The following KCNQ3 variants were observed in gnomAD, a reference collection of about 807,000 sequenced individuals.
KCNQ3 encodes the protein potassium voltage-gated channel subfamily KQT member 3.
In KCNQ3, 30 loss-of-function variants were observed where a neutral mutation model predicts 92.5. The observed-to-expected ratio is 0.32, with a 90% CI of 0.24 to 0.44. The LOEUF is 0.44. Ranked by LOEUF, KCNQ3 falls within the 20% of genes least tolerant of loss-of-function variation. The pLI is 1.00. For missense variants in KCNQ3, 913 were observed against 1,140.3 expected, an observed-to-expected ratio of 0.80 and a Z score of 2.87; for synonymous variants, 450 against 468.8, an observed-to-expected ratio of 0.96 and a Z score of 0.52.
chr8:132,283,628 C>T (rs1816596509), intron 1 of KCNQ3, among the ~76,000 whole-genome samples: 1 of 152,196 alleles, frequency 6.6e-6, no homozygotes, highest in African/African-American at 2.4e-5. Context: ...ATTCCTGATC[C>T]CCCTTGTCAT....
At chr8:132,415,486 C>A (rs1820771830) in intron 1 of KCNQ3, among the ~76,000 whole-genome samples, 1 of 152,196 alleles carries the variant, frequency 6.6e-6, no homozygotes, top group Non-Finnish European at 1.5e-5. Context: ...CAGGGCCCAG[C>A]CCCCGGCTGC....
chr8:132,363,029 T>A (rs890057787), intron 1 of KCNQ3, among the ~76,000 whole-genome samples: 3 of 152,124 alleles, frequency 2.0e-5, no homozygotes, highest in Admixed American at 2.0e-4. Context: ...GGACACTGAC[T>A]GGCACCTAGT....
intron 1 of KCNQ3, among the ~76,000 whole-genome samples, chr8:132,189,888 CAAAAAAAAAA>C (rs776683880): frequency 1.6e-5 from 1 of 64,084 alleles, no homozygotes; most frequent in African/African-American, 7.9e-5. Flanking sequence ...TAAAAATGAC[CAAAAAAAAAA>C]AAAAAAAAAA....
chr8:132,169,528 T>C (rs1280748228), intron 8 of KCNQ3, among the ~76,000 whole-genome samples: 1 of 152,230 alleles, frequency 6.6e-6, no homozygotes, highest in Non-Finnish European at 1.5e-5. Context: ...TAGAGGACTC[T>C]TCCTGCTGTC....
intron 1 of KCNQ3, among the ~76,000 whole-genome samples, chr8:132,377,678 A>G (rs1329953908): frequency 6.6e-6 from 1 of 152,226 alleles, no homozygotes; most frequent in Non-Finnish European, 1.5e-5. Context: ...GGCTAAGCAC[A>G]GTGATAGGTA....
intron 8 of KCNQ3, among the ~76,000 whole-genome samples, chr8:132,165,248 C>T (rs183583172): frequency 6.6e-6 from 1 of 152,298 alleles, no homozygotes; most frequent in African/African-American, 2.4e-5. Flanking sequence ...CAAGTCACAA[C>T]ATCCCATGAG....
At chr8:132,403,840 A>C (rs1280016635) in intron 1 of KCNQ3, among the ~76,000 whole-genome samples, 1 of 152,184 alleles carries the variant, frequency 6.6e-6, no homozygotes, top group African/African-American at 2.4e-5. Context: ...GATCCTGCAG[A>C]GAACAGGGAC....
intron 1 of KCNQ3, among the ~76,000 whole-genome samples, chr8:132,421,521 C>T (rs1820966467): frequency 6.6e-6 from 1 of 152,086 alleles, no homozygotes. Flanking sequence ...CAAAATGATG[C>T]TGCCTGACCT....
At chr8:132,308,680 C>T (rs763810259) in intron 1 of KCNQ3, among the ~76,000 whole-genome samples, 3 of 152,276 alleles carry the variant, frequency 2.0e-5, no homozygotes, top group Non-Finnish European at 2.9e-5. Context: ...ACTTGTCAAG[C>T]GCTGACACTG....
intron 1 of KCNQ3, among the ~76,000 whole-genome samples, chr8:132,257,030 T>A (rs1191643323): frequency 6.6e-6 from 1 of 152,086 alleles, no homozygotes; most frequent in Admixed American, 6.5e-5. Flanking sequence ...AGACAACCCA[T>A]GAAGAAATAA....
At chr8:132,317,290 ACTC>A (rs753602951) in intron 1 of KCNQ3, among the ~76,000 whole-genome samples, 14 of 152,018 alleles carry the variant, frequency 9.2e-5, no homozygotes, top group Non-Finnish European at 1.8e-4. Flanking sequence ...AACCTCTACT[ACTC>A]CCCAGTGGTC....
At chr8:132,420,462 G>A (rs57189643) in intron 1 of KCNQ3, among the ~76,000 whole-genome samples, 50,298 of 151,954 alleles carry the variant, frequency 0.33, 8,847 homozygotes, top group African/African-American at 0.44. Flanking sequence ...GACATCTGCA[G>A]CTTGCCCTTT....
chr8:132,211,023 C>T (rs1342156605), intron 1 of KCNQ3, among the ~76,000 whole-genome samples: 1 of 152,192 alleles, frequency 6.6e-6, no homozygotes, highest in Non-Finnish European at 1.5e-5. Context: ...TCCCTCTGGG[C>T]CCCCACAGCA....
intron 1 of KCNQ3, among the ~76,000 whole-genome samples, chr8:132,259,953 AG>A (rs1200835303): frequency 6.6e-6 from 1 of 152,188 alleles, no homozygotes; most frequent in Non-Finnish European, 1.5e-5. Flanking sequence ...AAGACGTACA[AG>A]GCTTGTACCT....
chr8:132,382,592 T>C (rs1819782801), intron 1 of KCNQ3, among the ~76,000 whole-genome samples: 1 of 152,200 alleles, frequency 6.6e-6, no homozygotes, highest in Non-Finnish European at 1.5e-5. Context: ...ACAAATACTG[T>C]AAAATTTTAC....
chr8:132,274,002 C>A (rs1036823490), intron 1 of KCNQ3, among the ~76,000 whole-genome samples: 1 of 152,206 alleles, frequency 6.6e-6, no homozygotes, highest in Non-Finnish European at 1.5e-5. Flanking sequence ...TTCCTGTCTT[C>A]TGAGCCCTCC....
chr8:132,463,105 A>G (rs1318175411), intron 1 of KCNQ3, among the ~76,000 whole-genome samples: 1 of 152,232 alleles, frequency 6.6e-6, no homozygotes, highest in Non-Finnish European at 1.5e-5. Context: ...TTGGCCCACA[A>G]CATGTTCACA....
chr8:132,402,044 G>T (rs1332256236), intron 1 of KCNQ3, among the ~76,000 whole-genome samples: 1 of 152,212 alleles, frequency 6.6e-6, no homozygotes, highest in African/African-American at 2.4e-5. Context: ...AGACCTGGGG[G>T]CAAGGGTGTG....
At chr8:132,288,983 G>T (rs1193992855) in intron 1 of KCNQ3, among the ~76,000 whole-genome samples, 1 of 152,128 alleles carries the variant, frequency 6.6e-6, no homozygotes, top group Non-Finnish European at 1.5e-5. Flanking sequence ...CAAGTGAAAA[G>T]GTAGGAGTTC....
Sources: gnomAD v4.1 joint callset for allele counts (sites outside exome capture counted in the v4.1 genomes callset) on GRCh38, gnomAD v4.1.1 for gene constraint, MANE v1.5 for transcripts, NCBI Gene and HGNC (gene_info 2026-07-23, HGNC 2026-07-21) for gene names.